ZNF445: variants seen among roughly 807,000 people sequenced by gnomAD.
The protein encoded by ZNF445 is zinc finger protein 445, also known as zinc finger protein 168.
A neutral mutation model predicts 93.9 loss-of-function variants in ZNF445; 19 were observed. The ratio of observed to expected loss-of-function variants is 0.20; its 90% CI spans 0.14 to 0.30. ZNF445 has a LOEUF of 0.30. Ranked by LOEUF, ZNF445 falls within the 10% of genes least tolerant of loss-of-function variation. The probability of loss-of-function intolerance (pLI) is 1.00; values close to 1 mark genes in which losing one functional copy is unlikely to be tolerated. For synonymous variants in ZNF445, 449 were observed against 446.3 expected, an observed-to-expected ratio of 1.01 and a Z score of -0.08; for missense variants, 1,058 against 1,259.4, an observed-to-expected ratio of 0.84 and a Z score of 2.42.
intron 1 of ZNF445, among the ~76,000 whole-genome samples, chr3:44,464,790 C>A (rs1698167877): frequency 6.6e-6 from 1 of 152,068 alleles, no homozygotes. Context: ...TAGGCTCCAC[C>A]CCAAGCTGGG....
Position 44,442,724 on chromosome 3 carries a change from G to A in ZNF445, c.*3851C>T, listed in dbSNP as rs1021417731. The A allele has an allele frequency of 5.9e-5, 9 of 152,352 alleles. 1 individual carries two copies. Among genetic ancestry groups the A allele is most frequent in the African/African-American group, 2.2e-4 (9 of 41,564 alleles). The allele number at this position is 152,352 out of a possible 1,614,324, so 9.4% of individuals were successfully genotyped here. ...TTCTCCAGGCCAGGATGAGATGCAA[G>A]ATGAGACCTGGTGCTCAGGGCAATC... On this transcript the variant is annotated 3_prime_UTR_variant, in exon 8 of 8. Transcript: ENST00000396077.
Position 44,446,573 on chromosome 3 carries a change from G to A in ZNF445, c.*2C>T, listed in dbSNP as rs138715008. On this transcript the variant is annotated 3_prime_UTR_variant, in exon 8 of 8. Coordinates refer to ENST00000396077, the MANE Select transcript of ZNF445 (RefSeq NM_181489.6). This position sits in a 1 kb window ranked among gnomAD's most constrained non-coding sequence, Gnocchi z 4.2. The stretch of plus-strand genomic sequence containing the variant: ...CCCCCACTGTCACTGTCAGGTCCCA[G>A]GCTAATCTCTAATATGGTTTTTCAT... The A allele has an allele frequency of 1.9e-6, 3 of 1,614,142 alleles. No homozygotes were observed. In the East Asian group the frequency reaches 6.7e-5, roughly 36 times the overall value.
rs1697847589 is a variant in ZNF445 at position 44,444,023 on chromosome 3, C to CA, written c.*2551dup. On this transcript the variant is annotated 3_prime_UTR_variant, in exon 8 of 8. Coordinates refer to ENST00000396077, the MANE Select transcript of ZNF445 (RefSeq NM_181489.6). Reference sequence around the variant, plus strand: ...AAAAATTAGCTGGCAGGGTGGCACACACCTGTAGCCCCAGCTACTCGGGAG... The same window carrying CA: ...AAAAATTAGCTGGCAGGGTGGCACACAACCTGTAGCCCCAGCTACTCGGGAG... The CA allele has an allele frequency of 6.6e-6, 1 of 152,084 alleles. No homozygotes were observed. Among genetic ancestry groups the CA allele is most frequent in the South Asian group, 2.1e-4 (1 of 4,826 alleles). 9.4% of individuals were successfully genotyped at this position (152,084 alleles called of 1,614,324 possible).
At position 44,435,376 on chromosome 3, in the gene ZNF445, C is replaced by T. The variant is rs1035580586; in HGVS notation, c.*11199G>A. The T allele has an allele frequency of 2.0e-5, 3 of 152,220 alleles. No homozygotes were observed. The highest frequency in any genetic ancestry group is 1.3e-4 in the Admixed American group (2 of 15,274). 9.4% of individuals were successfully genotyped at this position (152,220 alleles called of 1,614,324 possible). A position where few individuals can be genotyped will look rare whatever the true frequency, so the allele number is the denominator to read the frequency against. On this transcript the variant is annotated 3_prime_UTR_variant, in exon 8 of 8. Coordinates refer to ENST00000396077, the MANE Select transcript of ZNF445 (RefSeq NM_181489.6). Reference sequence around the variant, plus strand: ...CCTGGGCCTGGCTCAGTAACAACTGCAAACCAGTTGTCAGACGTATCGTTT... The same window carrying T: ...CCTGGGCCTGGCTCAGTAACAACTGTAAACCAGTTGTCAGACGTATCGTTT...
At chr3:44,464,174 G>C (rs1352680517) in intron 1 of ZNF445, among the ~76,000 whole-genome samples, 1 of 152,124 alleles carries the variant, frequency 6.6e-6, no homozygotes, top group East Asian at 1.9e-4. Context: ...GCACTGCACT[G>C]TCTTCTCCTG....
chr3:44,440,574 T>C lies in ZNF445; in HGVS notation c.*6001A>G, dbSNP rs1559386969. 2 of 152,354 alleles carry C rather than the reference T, an allele frequency of 1.3e-5. No homozygotes were observed. Among genetic ancestry groups the C allele is most frequent in the East Asian group, 3.9e-4 (2 of 5,180 alleles). 9.4% of individuals were successfully genotyped at this position (152,354 alleles called of 1,614,324 possible). A position where few individuals can be genotyped will look rare whatever the true frequency, so the allele number is the denominator to read the frequency against. On this transcript the variant is annotated 3_prime_UTR_variant, in exon 8 of 8. Coordinates refer to ENST00000396077, the MANE Select transcript of ZNF445 (RefSeq NM_181489.6). ...TACTAGAGTTACTTAAGCGTTCGTT[T>C]ACTAATAGCCATTTGTATTGCTCCT...
intron 2 of ZNF445, among the ~76,000 whole-genome samples, chr3:44,456,632 T>G (rs1698030983): frequency 6.6e-6 from 1 of 152,310 alleles, no homozygotes; most frequent in Middle Eastern, 3.4e-3. Context: ...AATGCCCAAC[T>G]GACTTTTTAA....
rs1575307102 is a variant in ZNF445, at chr3:44,446,535, G to T, written c.*40C>A. The stretch of plus-strand genomic sequence containing the variant: ...TATAATTAAGGGTTCTCTAGCAGGG[G>T]ACTGAGAACCCACCCCCACTGTCAC... On this transcript the variant is annotated 3_prime_UTR_variant, in exon 8 of 8. Coordinates refer to ENST00000396077, the MANE Select transcript of ZNF445 (RefSeq NM_181489.6). This position sits in a 1 kb window ranked among gnomAD's most constrained non-coding sequence, Gnocchi z 4.2. 1.9e-6 allele frequency: 3 copies of T among 1,611,778 alleles called. No homozygotes were observed. The South Asian group carries it at 3.3e-5, about 18-fold the overall frequency.
rs1343649388 is a variant in ZNF445, at chr3:44,432,259, T to TTGTGTGTGTGTCTGTG, written c.*14315_*14316insCACAGACACACACACA. Reference sequence around the variant, plus strand: ...TTTATTGGAACACATCTACACTCATTTGTGTGTGTGTGTCTGTGTGTGTGT... The same window carrying TTGTGTGTGTGTCTGTG: ...TTTATTGGAACACATCTACACTCATTTGTGTGTGTGTCTGTGTGTGTGTGTGTGTCTGTGTGTGTGT... On this transcript the variant is annotated 3_prime_UTR_variant, in exon 8 of 8. Coordinates refer to ENST00000396077, the MANE Select transcript of ZNF445 (RefSeq NM_181489.6). 8.0e-6 allele frequency: 1 copy of TTGTGTGTGTGTCTGTG among 124,596 alleles called. No individual in the cohort carries two copies. Among genetic ancestry groups the TTGTGTGTGTGTCTGTG allele is most frequent in the African/African-American group, 3.4e-5 (1 of 29,320 alleles). The allele number at this position is 124,596 out of a possible 1,614,324, so 7.7% of individuals were successfully genotyped here.
chr3:44,477,049 C>T (rs930623064), intron 1 of ZNF445, among the ~76,000 whole-genome samples: 1 of 152,216 alleles, frequency 6.6e-6, no homozygotes, highest in African/African-American at 2.4e-5. Flanking sequence ...GAATTACACA[C>T]TTCCAAATGG....
chr3:44,468,148 C>T (rs1213515078), intron 1 of ZNF445, among the ~76,000 whole-genome samples: 3 of 152,200 alleles, frequency 2.0e-5, no homozygotes, highest in African/African-American at 7.2e-5. Flanking sequence ...GGTTCACTCC[C>T]ATTCCCACTA....
intron 4 of ZNF445, 33 bp from the exon 5 acceptor site, chr3:44,450,995 A>C: frequency 2.9e-5 from 44 of 1,494,888 alleles, no homozygotes; most frequent in Middle Eastern, 1.8e-4. Context: ...AGAGCGGCTC[A>C]GCTCTGGACA....
At chr3:44,468,255 GGACTGAAACTGTCATTGCAAAATTAT>G (rs1358311793) in intron 1 of ZNF445, among the ~76,000 whole-genome samples, 2 of 152,004 alleles carry the variant, frequency 1.3e-5, no homozygotes, top group Admixed American at 1.3e-4. Flanking sequence ...CCAAAGGGAG[GGACTGAAACTGTCATTGCAAAATTAT>G]GACTGAGACA....
chr3:44,466,309 A>C (rs1698194201), intron 1 of ZNF445, among the ~76,000 whole-genome samples: 1 of 152,136 alleles, frequency 6.6e-6, no homozygotes, highest in Admixed American at 6.6e-5. Context: ...TCAAATTATA[A>C]ATTATGTCTC....
At chr3:44,476,908 C>CAA (rs138834104) in intron 1 of ZNF445, among the ~76,000 whole-genome samples, 5 of 146,464 alleles carry the variant, frequency 3.4e-5, no homozygotes, top group East Asian at 2.0e-4. Flanking sequence ...TTATCCTCGC[C>CAA]AAAAAAAAAA....
rs568738362 is a variant in ZNF445 at position 44,472,751 on chromosome 3, G to A, written c.-269+4840C>T. ...GCCAATGAAATTCAGGTATCTTAAT[G>A]CCACAGGCTTCTCCCAAGTCCCAAC... On this transcript the variant is annotated intron_variant, in intron 1 of 7. Coordinates refer to ENST00000396077, the MANE Select transcript of ZNF445 (RefSeq NM_181489.6). Among the ~76,000 whole-genome samples, 213 of 152,318 alleles carry A rather than the reference G, an allele frequency of 1.4e-3. 1 individual carries two copies. The highest frequency in any genetic ancestry group is 2.8e-3 in the Non-Finnish European group (191 of 68,026).
chr3:44,469,851 A>C (rs538879961), intron 1 of ZNF445, among the ~76,000 whole-genome samples: 6 of 152,372 alleles, frequency 3.9e-5, no homozygotes, highest in African/African-American at 1.4e-4. Flanking sequence ...ATAGTCCCTC[A>C]CAAGATGTGA....
At position 44,437,795 on chromosome 3, in the gene ZNF445, G is replaced by C. The variant is rs760498701; in HGVS notation, c.*8780C>G. ...GTGGTTTGCCAGAAATATGTTACAG[G>C]ACCCCAACACTTACGCAAAGGTAGC... On this transcript the variant is annotated 3_prime_UTR_variant, in exon 8 of 8. Coordinates refer to ENST00000396077, the MANE Select transcript of ZNF445 (RefSeq NM_181489.6). 2 of 152,090 alleles carry C rather than the reference G, an allele frequency of 1.3e-5. No homozygotes were observed. Among genetic ancestry groups the C allele is most frequent in the African/African-American group, 2.4e-5 (1 of 41,406 alleles). The allele number at this position is 152,090 out of a possible 1,614,324, so 9.4% of individuals were successfully genotyped here.
At chr3:44,471,149 T>C (rs1373975736) in intron 1 of ZNF445, among the ~76,000 whole-genome samples, 1 of 152,224 alleles carries the variant, frequency 6.6e-6, no homozygotes, top group Non-Finnish European at 1.5e-5. Flanking sequence ...GCTGACTCTG[T>C]ACAGATCACC....
Sources: allele counts gnomAD v4.1 joint callset (sites outside exome capture counted in the v4.1 genomes callset), GRCh38; gene constraint gnomAD v4.1.1; non-coding constraint Gnocchi (gnomAD v3.1); transcripts MANE v1.5; gene names NCBI Gene and HGNC (gene_info 2026-07-23, HGNC 2026-07-21).